ZNF705G: variants seen among roughly 807,000 people sequenced by gnomAD.
ZNF705G encodes the protein putative zinc finger protein 705G.
In ZNF705G, 23 loss-of-function variants were observed where a neutral mutation model predicts 19.6. The observed-to-expected ratio is 1.17, with a 90% CI of 0.84 to 1.66. The LOEUF (loss-of-function observed/expected upper bound fraction) is 1.66, where lower values mean the gene tolerates loss of function less well. Ranked by LOEUF, ZNF705G falls within the 40% of genes most tolerant of loss-of-function variation. ZNF705G has a pLI of 0.00. For missense variants in ZNF705G, 457 were observed against 354.4 expected, an observed-to-expected ratio of 1.29 and a Z score of -2.32; for synonymous variants, 146 against 117.7, an observed-to-expected ratio of 1.24 and a Z score of -1.56.
rs571179039 is a variant in ZNF705G, at chr8:7,355,754, T to G, written c.*2222A>C. The G allele has an allele frequency of 6.7e-6, 1 of 149,560 alleles. No homozygotes were observed. Among genetic ancestry groups the G allele is most frequent in the Non-Finnish European group, 1.5e-5 (1 of 68,018 alleles). 9.3% of individuals were successfully genotyped at this position (149,560 alleles called of 1,614,324 possible). ...GGTTCAGGAGTACATATAATGTCAG[T>G]CACAGTTTGTGGGTAAATTACATAT... On this transcript the variant is annotated 3_prime_UTR_variant, in exon 7 of 7. Transcript: ENST00000400156.
rs1233635490 is a variant in ZNF705G at position 7,359,839 on chromosome 8, TA to T, written c.236-139del. The T allele has an allele frequency of 3.1e-5, 40 of 1,298,832 alleles. 2 individuals carry two copies. The African/African-American group carries it at 6.5e-4, about 21-fold the overall frequency. 80.5% of individuals were successfully genotyped at this position (1,298,832 alleles called of 1,614,324 possible). On this transcript the variant is annotated intron_variant, in intron 5 of 6. Coordinates refer to ENST00000400156, the MANE Select transcript of ZNF705G (RefSeq NM_001164457.3). ...GTGTCAAATGAAGAAACTACTTGAATAGAAGAAATAGATTGTACAGTGTCAG... is the reference window on the plus strand; with the variant it reads ...GTGTCAAATGAAGAAACTACTTGAATGAAGAAATAGATTGTACAGTGTCAG...
intron 1 of ZNF705G, among the ~76,000 whole-genome samples, chr8:7,382,124 G>A (rs1807526026): frequency 6.6e-6 from 1 of 151,434 alleles, no homozygotes; most frequent in Non-Finnish European, 1.5e-5. Context: ...TCCTTTAGTG[G>A]TGATGCTTCT....
Position 7,363,132 on chromosome 8 carries a change from A to G in ZNF705G, c.-71-115T>C. On this transcript the variant is annotated intron_variant, in intron 2 of 6. Transcript: ENST00000400156. ...GTGACACCAGCTGCACCACAGCCTA[A>G]CCAACAGACACAAACATGCAGAGGC... The G allele has an allele frequency of 2.3e-6, 3 of 1,285,248 alleles. No homozygotes were observed. The South Asian group carries it at 3.8e-5, about 16-fold the overall frequency. The allele number at this position is 1,285,248 out of a possible 1,614,324, so 79.6% of individuals were successfully genotyped here.
chr8:7,379,439 G>T (rs1807391702), intron 2 of ZNF705G, among the ~76,000 whole-genome samples: 1 of 147,248 alleles, frequency 6.8e-6, no homozygotes, highest in Non-Finnish European at 1.5e-5. Context: ...ATTGCTAGGA[G>T]GCGGTCTTCA....
intron 2 of ZNF705G, among the ~76,000 whole-genome samples, chr8:7,366,618 A>G (rs1241411227): frequency 1.3e-5 from 2 of 149,750 alleles, no homozygotes; most frequent in East Asian, 1.9e-4. Flanking sequence ...TACCAATACA[A>G]TAAAGCTAAA....
chr8:7,358,171 G>C lies in ZNF705G; in HGVS notation c.708C>G (p.Val236=), dbSNP rs544046024. ...RPYKCHQYGK[V]FIQSFNLQRH... is the part of the protein sequence containing the mutation. ...TTTGAAGGTTAAAGGATTGAATAAA[G>C]ACTTTCCCATATTGATGACACTTAT... Residue 236 remains valine (V), a synonymous_variant, in exon 7 of 7, where the codon GTC becomes GTG. Transcript: ENST00000400156. 2 of 1,607,406 alleles carry C rather than the reference G, an allele frequency of 1.2e-6. No homozygotes were observed. The highest frequency in any genetic ancestry group is 1.4e-5 in the African/African-American group (1 of 71,156).
chr8:7,358,601 A>T (rs749094559), intron 6 of ZNF705G, 41 bp from the exon 7 acceptor site: 2 of 1,604,748 alleles, frequency 1.2e-6, no homozygotes, highest in Admixed American at 1.7e-5. Context: ...GTTTACCCAC[A>T]TATATCTATA....
chr8:7,375,383 A>G (rs1807216343), intron 2 of ZNF705G, among the ~76,000 whole-genome samples: 1 of 93,218 alleles, frequency 1.1e-5, no homozygotes, highest in Non-Finnish European at 2.1e-5. Flanking sequence ...GATGCATAGT[A>G]TTCCGTGACA....
At chr8:7,367,663 C>T (rs1806919125) in intron 2 of ZNF705G, among the ~76,000 whole-genome samples, 1 of 149,634 alleles carries the variant, frequency 6.7e-6, no homozygotes, top group East Asian at 1.9e-4. Context: ...CTTTCTTGGA[C>T]CTTCAGGCAT....
chr8:7,361,347 T>C, intron 3 of ZNF705G, 111 bp from the exon 4 acceptor site: 8 of 1,572,832 alleles, frequency 5.1e-6, no homozygotes, highest in Non-Finnish European at 6.8e-6. Flanking sequence ...ACTCAGTGTT[T>C]TGGGTTCCAG....
chr8:7,376,645 T>A (rs1807250309), intron 2 of ZNF705G, among the ~76,000 whole-genome samples: 3 of 148,906 alleles, frequency 2.0e-5, no homozygotes, highest in Admixed American at 6.7e-5. Flanking sequence ...TATGCAATGG[T>A]TTCTAGAGAA....
intron 6 of ZNF705G, among the ~76,000 whole-genome samples, chr8:7,358,884 G>A (rs1334121903): frequency 1.3e-5 from 2 of 149,296 alleles, no homozygotes; most frequent in East Asian, 1.9e-4. Flanking sequence ...TTGCACCATG[G>A]CAATGCAAAC....
chr8:7,365,486 C>A (rs1806815053), intron 2 of ZNF705G, among the ~76,000 whole-genome samples: 1 of 147,024 alleles, frequency 6.8e-6, no homozygotes, highest in Non-Finnish European at 1.5e-5. Flanking sequence ...TCAAGCAATT[C>A]TCCAGCCTCA....
At chr8:7,364,755 A>G (rs1455427360) in intron 2 of ZNF705G, among the ~76,000 whole-genome samples, 1 of 149,380 alleles carries the variant, frequency 6.7e-6, no homozygotes, top group Admixed American at 6.6e-5. Context: ...TCCTTGGACT[A>G]TTTTCTACAT....
At chr8:7,380,617 C>T (rs1239336440) in intron 2 of ZNF705G, among the ~76,000 whole-genome samples, 4 of 146,606 alleles carry the variant, frequency 2.7e-5, no homozygotes, top group South Asian at 4.2e-4. Flanking sequence ...TCTGCACATG[C>T]CATCTGGGGT....
At chr8:7,382,762 A>G (rs1298415815) in intron 1 of ZNF705G, among the ~76,000 whole-genome samples, 5 of 146,860 alleles carry the variant, frequency 3.4e-5, no homozygotes, top group South Asian at 2.1e-4. Flanking sequence ...TGCTACATGA[A>G]TCATTAAGGA....
At chr8:7,383,678 G>A (rs1479967087) in intron 1 of ZNF705G, among the ~76,000 whole-genome samples, 1 of 149,134 alleles carries the variant, frequency 6.7e-6, no homozygotes, top group Admixed American at 6.6e-5. Context: ...ATTAAGTCGT[G>A]GAGCTGAAGC....
intron 1 of ZNF705G, among the ~76,000 whole-genome samples, chr8:7,384,114 A>AT (rs57150835): frequency 8.3e-5 from 9 of 108,036 alleles, no homozygotes; most frequent in African/African-American, 1.5e-4. Context: ...AATAGAGACA[A>AT]TTTTTTTTTT....
At position 7,355,901 on chromosome 8, in the gene ZNF705G, A is replaced by G. The variant is rs1179731318; in HGVS notation, c.*2075T>C. On this transcript the variant is annotated 3_prime_UTR_variant, in exon 7 of 7. Coordinates refer to ENST00000400156, the MANE Select transcript of ZNF705G (RefSeq NM_001164457.3). ...CTCATTATCCTCACACTTGACATAA[A>G]CCCTGGCTGCAGAGTAAAATCAATC... 1.3e-5 allele frequency: 2 copies of G among 149,610 alleles called. No individual in the cohort carries two copies. Among genetic ancestry groups the G allele is most frequent in the Non-Finnish European group, 2.9e-5 (2 of 68,030 alleles). The allele number at this position is 149,610 out of a possible 1,614,324, so 9.3% of individuals were successfully genotyped here. A position where few individuals can be genotyped will look rare whatever the true frequency, so the allele number is the denominator to read the frequency against.
Sources: allele counts gnomAD v4.1 joint callset (sites outside exome capture counted in the v4.1 genomes callset), GRCh38; gene constraint gnomAD v4.1.1; transcripts MANE v1.5; gene names NCBI Gene and HGNC (gene_info 2026-07-23, HGNC 2026-07-21).